RTF2: variants seen among roughly 807,000 people sequenced by gnomAD.
The protein encoded by RTF2 is replication termination factor 2.
A neutral mutation model predicts 38.0 loss-of-function variants in RTF2; 18 were observed. That is an observed-to-expected ratio of 0.47 (90% CI 0.33 to 0.70). The LOEUF is 0.70. Among genes scored for constraint, RTF2 ranks in the 30% least tolerant of loss-of-function variants. The pLI is 0.02. For missense variants in RTF2, 311 were observed against 379.6 expected, an observed-to-expected ratio of 0.82 and a Z score of 1.50; for synonymous variants, 126 against 137.1, an observed-to-expected ratio of 0.92 and a Z score of 0.57.
At chr20:56,475,766 A>T (rs898455972) in intron 3 of RTF2, among the ~76,000 whole-genome samples, 4 of 152,260 alleles carry the variant, frequency 2.6e-5, no homozygotes, top group African/African-American at 9.6e-5. Flanking sequence ...ACAGTTATTG[A>T]AATTAATTCA....
intron 4 of RTF2, among the ~76,000 whole-genome samples, chr20:56,479,951 C>A (rs184783360): frequency 6.6e-6 from 1 of 151,652 alleles, no homozygotes; most frequent in Non-Finnish European, 1.5e-5. Flanking sequence ...AGTAGACTTA[C>A]CATCATTCTT....
chr20:56,503,306 C>T (rs6127773), intron 5 of RTF2, among the ~76,000 whole-genome samples: 1 of 152,296 alleles, frequency 6.6e-6, no homozygotes, highest in African/African-American at 2.4e-5. Flanking sequence ...ATGCCTATTC[C>T]TAAAACATGT....
intron 5 of RTF2, among the ~76,000 whole-genome samples, chr20:56,492,659 G>A (rs563336645): frequency 2.0e-4 from 31 of 152,008 alleles, no homozygotes; most frequent in Admixed American, 1.4e-3. Context: ...TTTGACAACC[G>A]TGTTTGGCTC....
At chr20:56,473,770 C>A (rs142818836) in intron 2 of RTF2, among the ~76,000 whole-genome samples, 327 of 152,236 alleles carry the variant, frequency 2.1e-3, no homozygotes, top group African/African-American at 7.6e-3. Context: ...ATCCTGTAGT[C>A]CCAGCTGTTC....
intron 5 of RTF2, among the ~76,000 whole-genome samples, chr20:56,512,941 C>T (rs6099181): frequency 0.83 from 125,905 of 152,194 alleles, 52,297 homozygotes; most frequent in East Asian, 0.99. Flanking sequence ...ACCCTCGGCC[C>T]AGCATGTTCC....
intron 5 of RTF2, among the ~76,000 whole-genome samples, chr20:56,489,981 T>A (rs1600807517): frequency 6.6e-6 from 1 of 152,350 alleles, no homozygotes; most frequent in East Asian, 1.9e-4. Flanking sequence ...TCTTGTGTTC[T>A]TTTTGAAAGT....
chr20:56,506,592 A>G (rs1984287821), intron 5 of RTF2, among the ~76,000 whole-genome samples: 1 of 152,236 alleles, frequency 6.6e-6, no homozygotes, highest in African/African-American at 2.4e-5. Context: ...CAGAGGGCAT[A>G]TGAATATAAA....
chr20:56,479,290 A>G (rs1199834521), intron 4 of RTF2, among the ~76,000 whole-genome samples: 1 of 152,098 alleles, frequency 6.6e-6, no homozygotes, highest in Non-Finnish European at 1.5e-5. Flanking sequence ...CAGTGGCACA[A>G]TCTCGGCTCA....
intron 5 of RTF2, chr20:56,497,539 A>G (rs1398374127): frequency 1.4e-6 from 2 of 1,414,724 alleles, no homozygotes; most frequent in South Asian, 2.4e-5. Context: ...TTCCTTAAGT[A>G]AAGAAAAATG....
intron 5 of RTF2, among the ~76,000 whole-genome samples, chr20:56,509,611 C>CAAAAAAAAAAA (rs567362731): frequency 9.4e-6 from 1 of 106,028 alleles, no homozygotes; most frequent in Non-Finnish European, 1.9e-5. Context: ...GATCCCATCT[C>CAAAAAAAAAAA]AAAAAAAAAA....
intron 5 of RTF2, among the ~76,000 whole-genome samples, chr20:56,485,155 C>A (rs915655691): frequency 6.6e-6 from 1 of 152,038 alleles, no homozygotes; most frequent in Non-Finnish European, 1.5e-5. Flanking sequence ...CACATGAGGC[C>A]ATGTGATGGA....
intron 1 of RTF2, chr20:56,470,816 C>T (rs1304023156): frequency 2.6e-6 from 1 of 382,620 alleles, no homozygotes; most frequent in Non-Finnish European, 5.3e-6. Context: ...CCGACAACAT[C>T]CACATGCCAG....
At chr20:56,480,709 A>G (rs1600799479) in intron 4 of RTF2, among the ~76,000 whole-genome samples, 1 of 152,188 alleles carries the variant, frequency 6.6e-6, no homozygotes. Flanking sequence ...AGGGTTCTCA[A>G]TTGGCCTAAT....
chr20:56,486,411 G>T (rs1312785989), intron 5 of RTF2, among the ~76,000 whole-genome samples: 1 of 152,200 alleles, frequency 6.6e-6, no homozygotes, highest in Non-Finnish European at 1.5e-5. Flanking sequence ...CACTTTGGGA[G>T]GCCAAGGCGG....
At chr20:56,490,600 A>G (rs1278772170) in intron 5 of RTF2, among the ~76,000 whole-genome samples, 1 of 152,234 alleles carries the variant, frequency 6.6e-6, no homozygotes, top group Non-Finnish European at 1.5e-5. Context: ...GGATCACCTG[A>G]GGTCGGGAGT....
At chr20:56,494,887 T>G (rs1983410171) in intron 5 of RTF2, among the ~76,000 whole-genome samples, 1 of 152,220 alleles carries the variant, frequency 6.6e-6, no homozygotes, top group African/African-American at 2.4e-5. Flanking sequence ...ATTGTATCTC[T>G]GTGCAGTAGT....
At chr20:56,509,068 G>A (rs995002392) in intron 5 of RTF2, among the ~76,000 whole-genome samples, 3 of 152,174 alleles carry the variant, frequency 2.0e-5, no homozygotes, top group Non-Finnish European at 2.9e-5. Flanking sequence ...AAGATATTTT[G>A]TCATAACAGT....
intron 5 of RTF2, among the ~76,000 whole-genome samples, chr20:56,496,410 T>C (rs933628450): frequency 6.6e-6 from 1 of 152,020 alleles, no homozygotes; most frequent in Admixed American, 6.5e-5. Context: ...TAGCTGGGCA[T>C]GGTGGTGGGC....
chr20:56,508,964 C>G (rs2146367950), intron 5 of RTF2, among the ~76,000 whole-genome samples: 1 of 152,280 alleles, frequency 6.6e-6, no homozygotes, highest in East Asian at 1.9e-4. Context: ...TAGGCGATGA[C>G]TTACTAAATA....
Sources: allele counts gnomAD v4.1 joint callset (sites outside exome capture counted in the v4.1 genomes callset), GRCh38; gene constraint gnomAD v4.1.1; transcripts MANE v1.5; gene names NCBI Gene and HGNC (gene_info 2026-07-23, HGNC 2026-07-21).